Variants in YWHAE observed in about 807,000 individuals in gnomAD.
YWHAE encodes tyrosine 3-monooxygenase/tryptophan 5-monooxygenase activation protein epsilon.
YWHAE carries 4 observed loss-of-function variants against 30.1 expected under a neutral mutation model. The ratio of observed to expected loss-of-function variants is 0.13; its 90% CI spans 0.07 to 0.30. The LOEUF (loss-of-function observed/expected upper bound fraction) is 0.30, where lower values mean the gene tolerates loss of function less well. Among genes scored for constraint, YWHAE ranks in the 10% least tolerant of loss-of-function variants. The pLI is 1.00. For missense variants in YWHAE, 121 were observed against 315.9 expected, an observed-to-expected ratio of 0.38 and a Z score of 4.68; for synonymous variants, 118 against 111.8, an observed-to-expected ratio of 1.06 and a Z score of -0.35.
chr17:1,362,993 C>A (rs1019659238), intron 2 of YWHAE, among the ~76,000 whole-genome samples: 1 of 152,122 alleles, frequency 6.6e-6, no homozygotes, highest in African/African-American at 2.4e-5. Context: ...TAGATCTCTA[C>A]ACCCTTCTCC....
intron 1 of YWHAE, among the ~76,000 whole-genome samples, chr17:1,396,654 T>G (rs1598276510): frequency 6.6e-6 from 1 of 152,178 alleles, no homozygotes; most frequent in Non-Finnish European, 1.5e-5. Context: ...CCGTTTTTTA[T>G]TGTTGCTGTT....
chr17:1,376,659 T>C (rs1392860097), intron 1 of YWHAE, among the ~76,000 whole-genome samples: 1 of 152,152 alleles, frequency 6.6e-6, no homozygotes, highest in Non-Finnish European at 1.5e-5. Flanking sequence ...AACCTGATTT[T>C]CCCAAGACTG....
intron 5 of YWHAE, chr17:1,347,896 C>T (rs1280874870): frequency 1.6e-5 from 15 of 917,894 alleles, no homozygotes; most frequent in Non-Finnish European, 2.0e-5. Flanking sequence ...GACGATCATA[C>T]GCAGGCATGA....
intron 1 of YWHAE, among the ~76,000 whole-genome samples, chr17:1,387,801 T>C (rs1449709297): frequency 6.8e-6 from 1 of 147,634 alleles, no homozygotes; most frequent in African/African-American, 2.7e-5. Context: ...TTTTTGTATA[T>C]TTAGTAGAGA....
At chr17:1,351,374 A>G (rs947040197) in intron 5 of YWHAE, among the ~76,000 whole-genome samples, 1 of 150,976 alleles carries the variant, frequency 6.6e-6, no homozygotes, top group Non-Finnish European at 1.5e-5. Context: ...GCAAAACTCC[A>G]TCTCAAAAAA....
intron 4 of YWHAE, among the ~76,000 whole-genome samples, chr17:1,360,100 T>C (rs747507689): frequency 6.6e-6 from 1 of 152,130 alleles, no homozygotes; most frequent in East Asian, 1.9e-4. Flanking sequence ...GTAACTGGGA[T>C]TGCAGGCATG....
chr17:1,371,408 A>AAT (rs1169942453), intron 1 of YWHAE, among the ~76,000 whole-genome samples: 6 of 152,088 alleles, frequency 3.9e-5, no homozygotes, highest in Non-Finnish European at 8.8e-5. Flanking sequence ...AATGTGCAGT[A>AAT]ATACATTGAA....
chr17:1,364,811 G>T (rs1222776617), intron 2 of YWHAE, 48 bp downstream of exon 2: 1 of 1,609,812 alleles, frequency 6.2e-7, no homozygotes, highest in East Asian at 2.2e-5. Context: ...CCGTCCTACA[G>T]GTAACTCAAA....
chr17:1,363,253 CTTTA>C (rs1490172770), intron 2 of YWHAE, among the ~76,000 whole-genome samples: 3 of 152,022 alleles, frequency 2.0e-5, no homozygotes, highest in Admixed American at 2.0e-4. Context: ...CATCTGGACT[CTTTA>C]TTTTTTACTT....
intron 1 of YWHAE, among the ~76,000 whole-genome samples, chr17:1,388,235 G>C (rs1053892804): frequency 6.8e-6 from 1 of 146,784 alleles, no homozygotes; most frequent in Non-Finnish European, 1.5e-5. Context: ...TGCTAGGATT[G>C]GCCAGGCGCT....
At chr17:1,367,198 A>G (rs1454376845) in intron 1 of YWHAE, among the ~76,000 whole-genome samples, 1 of 152,188 alleles carries the variant, frequency 6.6e-6, no homozygotes, top group African/African-American at 2.4e-5. Context: ...CACTCACAGC[A>G]ACTCTATTCA....
chr17:1,345,569 G>A, intron 5 of YWHAE, 70 bp from the exon 6 acceptor site: 2 of 1,514,862 alleles, frequency 1.3e-6, no homozygotes, highest in Non-Finnish European at 1.8e-6. Context: ...ACAAACAAAG[G>A]TGTCATTCCA....
intron 1 of YWHAE, among the ~76,000 whole-genome samples, chr17:1,378,943 C>A (rs551730163): frequency 1.4e-3 from 213 of 146,994 alleles, no homozygotes; most frequent in Non-Finnish European, 2.5e-3. Flanking sequence ...GAGCAAAACT[C>A]TGTCTCAAAA....
At position 1,354,969 on chromosome 17, in the gene YWHAE, T is replaced by G. The variant is rs1462244388; in HGVS notation, c.579-622A>C. Reference sequence around the variant, plus strand: ...GAGCCACCGCGCCCAGCCTAGTTTTTTTTTTTTTTTTTTTTTTTTTTTTTT... The same window carrying G: ...GAGCCACCGCGCCCAGCCTAGTTTTGTTTTTTTTTTTTTTTTTTTTTTTTT... On this transcript the variant is annotated intron_variant, in intron 4 of 5. Transcript: ENST00000264335. Among the ~76,000 whole-genome samples the G allele has an allele frequency of 2.3e-3, 37 of 15,768 alleles. No homozygotes were observed. The African/African-American group carries it at 0.048, about 20-fold the overall frequency. The allele number at this position is 15,768 out of a possible 152,430, so 10.3% of individuals were successfully genotyped here.
chr17:1,371,078 G>A (rs1034637568), intron 1 of YWHAE, among the ~76,000 whole-genome samples: 22 of 151,826 alleles, frequency 1.4e-4, no homozygotes, highest in Admixed American at 7.2e-4. Context: ...CTGTGTGTGA[G>A]TGTGTGGTAG....
intron 1 of YWHAE, among the ~76,000 whole-genome samples, chr17:1,380,884 T>G (rs2073196062): frequency 1.3e-5 from 2 of 152,210 alleles, no homozygotes; most frequent in African/African-American, 4.8e-5. Context: ...TATTCAAGTT[T>G]TCCCCGACAA....
chr17:1,384,250 C>T (rs990745420), intron 1 of YWHAE, among the ~76,000 whole-genome samples: 3 of 150,326 alleles, frequency 2.0e-5, no homozygotes, highest in African/African-American at 7.4e-5. Context: ...GGTGGGCACA[C>T]CTGTAGTCCC....
At chr17:1,346,282 A>C (rs1292134384) in intron 5 of YWHAE, among the ~76,000 whole-genome samples, 4 of 152,222 alleles carry the variant, frequency 2.6e-5, no homozygotes, top group South Asian at 2.1e-4. Flanking sequence ...CAAAATAAAG[A>C]AGCATGCAGG....
chr17:1,365,263 T>TC (rs3215038), intron 1 of YWHAE, among the ~76,000 whole-genome samples: 111,821 of 151,776 alleles, frequency 0.74, 42,564 homozygotes, highest in African/African-American at 0.93. Flanking sequence ...CTCCAGAAGG[T>TC]AGTTAGGTGG....
Sources: gnomAD v4.1 joint callset for allele counts (sites outside exome capture counted in the v4.1 genomes callset) on GRCh38, gnomAD v4.1.1 for gene constraint, MANE v1.5 for transcripts, NCBI Gene and HGNC (gene_info 2026-07-23, HGNC 2026-07-21) for gene names.